Variants in ANKRD62 observed in about 807,000 individuals in gnomAD.
ANKRD62 encodes the protein ankyrin repeat domain 62, also known as ankyrin repeat domain-containing protein 62.
Under a neutral mutation model 98.8 loss-of-function variants are expected in ANKRD62, and 61 were observed. The observed-to-expected ratio is 0.62, with a 90% CI of 0.50 to 0.76. The LOEUF is 0.76. Ranked by LOEUF, ANKRD62 falls within the 30% of genes least tolerant of loss-of-function variation. ANKRD62 has a pLI of 0.00. For synonymous variants in ANKRD62, 341 were observed against 367.9 expected (o/e 0.93, Z 0.84); for missense variants, 933 against 1,082.9 (o/e 0.86, Z 1.94).
At chr18:12,114,805 A>C (rs957591446) in intron 8 of ANKRD62, among the ~76,000 whole-genome samples, 1 of 152,064 alleles carries the variant, frequency 6.6e-6, no homozygotes, top group Admixed American at 6.6e-5. Context: ...TGCAAATAAC[A>C]TGTTTTTTTT....
rs1322749180 is a variant in ANKRD62 at position 12,107,495 on chromosome 18, G to T, written c.1064+28G>T. On this transcript the variant is annotated intron_variant, in intron 8 of 13. Transcript: ENST00000587848. Reference sequence around the variant, plus strand: ...AATCCTGTAGCGATAGTTAACAGCGGATCACTGTTAATTGTACTATAAAAT... The same window carrying T: ...AATCCTGTAGCGATAGTTAACAGCGTATCACTGTTAATTGTACTATAAAAT... The T allele has an allele frequency of 2.1e-6, 3 of 1,419,204 alleles. No homozygotes were observed. In the South Asian group the frequency reaches 4.7e-5, roughly 22 times the overall value. The allele number at this position is 1,419,204 out of a possible 1,614,324, so 87.9% of individuals were successfully genotyped here. A position where few individuals can be genotyped will look rare whatever the true frequency, so the allele number is the denominator to read the frequency against.
At chr18:12,145,421 G>A in the ANKRD62 span, among the ~76,000 whole-genome samples, 1 of 152,214 alleles carries the variant, frequency 6.6e-6, no homozygotes, top group Non-Finnish European at 1.5e-5. Context: ...AGAATACCAC[G>A]ACTGGGGACC....
intron 13 of ANKRD62, 79 bp downstream of exon 13, chr18:12,126,462 G>A: frequency 9.1e-7 from 1 of 1,094,586 alleles, no homozygotes; most frequent in Non-Finnish European, 1.3e-6. Context: ...GCTAAACACT[G>A]AATCTAGTTG....
At chr18:12,170,927 G>C in the ANKRD62 span, among the ~76,000 whole-genome samples, 2 of 145,310 alleles carry the variant, frequency 1.4e-5, no homozygotes, top group Non-Finnish European at 3.0e-5. Flanking sequence ...TTTAAAGTCT[G>C]TTTTATCAGA....
the ANKRD62 span, among the ~76,000 whole-genome samples, chr18:12,145,623 G>GAC: frequency 2.0e-5 from 3 of 152,186 alleles, no homozygotes; most frequent in African/African-American, 7.2e-5. Flanking sequence ...CTCAACTGGG[G>GAC]TCTTCAGCTA....
At chr18:12,097,413 GTCATA>G in intron 4 of ANKRD62, among the ~76,000 whole-genome samples, 1 of 152,276 alleles carries the variant, frequency 6.6e-6, no homozygotes. Context: ...CTTCTGCTAT[GTCATA>G]TCCCAGTGGG....
chr18:12,130,674 T>A (rs888510776), downstream of ANKRD62, among the ~76,000 whole-genome samples: 1 of 22,460 alleles, frequency 4.5e-5, no homozygotes, highest in African/African-American at 1.7e-4. Flanking sequence ...AATGTTTTAC[T>A]TTTTTTTTTT....
chr18:12,157,235 CTT>C, the ANKRD62 span, among the ~76,000 whole-genome samples: 3 of 152,266 alleles, frequency 2.0e-5, no homozygotes, highest in African/African-American at 7.2e-5. Flanking sequence ...ACTTTTCAGA[CTT>C]TTTATACAGT....
At chr18:12,139,645 C>CA in the ANKRD62 span, among the ~76,000 whole-genome samples, 402 of 142,716 alleles carry the variant, frequency 2.8e-3, 3 homozygotes, top group African/African-American at 8.7e-3. Context: ...GACTCCATCT[C>CA]AAAAAAAAAA....
At chr18:12,136,414 G>A in the ANKRD62 span, among the ~76,000 whole-genome samples, 2 of 152,018 alleles carry the variant, frequency 1.3e-5, no homozygotes, top group African/African-American at 4.8e-5. Flanking sequence ...TCTCTGTTTT[G>A]GTACCAGTAC....
chr18:12,167,451 C>A, the ANKRD62 span, among the ~76,000 whole-genome samples: 2 of 152,156 alleles, frequency 1.3e-5, no homozygotes, highest in African/African-American at 2.4e-5. Flanking sequence ...CATGTCGCTA[C>A]AAAGGACATG....
the ANKRD62 span, among the ~76,000 whole-genome samples, chr18:12,157,057 A>G: frequency 6.6e-6 from 1 of 152,172 alleles, no homozygotes. Context: ...TAAAGGCAAG[A>G]GCCACTGTGC....
At chr18:12,164,355 G>C in the ANKRD62 span, among the ~76,000 whole-genome samples, 15 of 151,234 alleles carry the variant, frequency 9.9e-5, no homozygotes, top group South Asian at 2.9e-3. Flanking sequence ...CTTTTTTTTC[G>C]TCTCTGATTT....
the ANKRD62 span, among the ~76,000 whole-genome samples, chr18:12,157,951 AC>A: frequency 6.6e-6 from 1 of 152,244 alleles, no homozygotes; most frequent in African/African-American, 2.4e-5. Flanking sequence ...CTTGGAACAA[AC>A]AAACAAAAGC....
the ANKRD62 span, among the ~76,000 whole-genome samples, chr18:12,165,142 T>C: frequency 2.4e-4 from 37 of 152,108 alleles, no homozygotes; most frequent in Admixed American, 9.2e-4. Flanking sequence ...TTTCCATTCA[T>C]TTATTTTTGG....
chr18:12,094,271 A>G (rs541758498), intron 1 of ANKRD62, 36 bp downstream of exon 1: 32 of 1,440,314 alleles, frequency 2.2e-5, no homozygotes, highest in Non-Finnish European at 2.6e-5. Context: ...AGGCCTGGGG[A>G]TATGGGAGAA....
At chr18:12,101,887 A>C in intron 6 of ANKRD62, 1 of 698,570 alleles carries the variant, frequency 1.4e-6, no homozygotes, top group Non-Finnish European at 2.6e-6. Flanking sequence ...GCTGTCCACC[A>C]ATGGACTTAC....
chr18:12,127,726 A>C, intron 13 of ANKRD62, 22 bp from the exon 14 acceptor site: 1 of 1,358,176 alleles, frequency 7.4e-7, no homozygotes, highest in Non-Finnish European at 9.4e-7. Context: ...TAAAATCAGT[A>C]ACAAAAATAA....
chr18:12,099,458 A>G (rs1909252606), intron 5 of ANKRD62, among the ~76,000 whole-genome samples, 157 bp from the exon 6 acceptor site: 1 of 152,176 alleles, frequency 6.6e-6, no homozygotes. Flanking sequence ...TTCTTTAATT[A>G]GAAGCTTAAT....
Sources: gnomAD v4.1 joint callset for allele counts (sites outside exome capture counted in the v4.1 genomes callset) on GRCh38, gnomAD v4.1.1 for gene constraint, MANE v1.5 for transcripts, NCBI Gene and HGNC (gene_info 2026-07-23, HGNC 2026-07-21) for gene names.